The following PRTFDC1 variants were observed in gnomAD, a reference collection of about 807,000 sequenced individuals.
The protein encoded by PRTFDC1 is phosphoribosyl transferase domain containing 1.
PRTFDC1 carries 38 observed loss-of-function variants against 34.6 expected under a neutral mutation model. That is an observed-to-expected ratio of 1.10 (90% CI 0.85 to 1.44). The LOEUF (loss-of-function observed/expected upper bound fraction) is 1.44, where lower values mean the gene tolerates loss of function less well. Ranked by LOEUF, PRTFDC1 falls within the 40% of genes most tolerant of loss-of-function variation. PRTFDC1 has a pLI of 0.00. For synonymous variants in PRTFDC1, 93 were observed against 98.1 expected (o/e 0.95, Z 0.31); for missense variants, 270 against 283.0 (o/e 0.95, Z 0.33).
chr10:24,921,926 C>T (rs185563346), intron 3 of PRTFDC1, among the ~76,000 whole-genome samples: 4 of 152,152 alleles, frequency 2.6e-5, no homozygotes, highest in East Asian at 1.9e-4. Flanking sequence ...TGGGTTAAAA[C>T]GACAATAAAA....
chr10:24,927,082 A>T (rs928733050), intron 3 of PRTFDC1, among the ~76,000 whole-genome samples: 2 of 151,866 alleles, frequency 1.3e-5, no homozygotes, highest in Non-Finnish European at 2.9e-5. Context: ...GTTTCACTTT[A>T]AAAAAAAATT....
At chr10:24,903,136 T>C (rs1425292750) in intron 3 of PRTFDC1, among the ~76,000 whole-genome samples, 2 of 152,182 alleles carry the variant, frequency 1.3e-5, no homozygotes, top group Admixed American at 6.5e-5. Flanking sequence ...AGGCAGAGGT[T>C]GCAGTGAGCT....
intron 4 of PRTFDC1, among the ~76,000 whole-genome samples, chr10:24,859,114 CG>C (rs542439293): frequency 9.9e-4 from 151 of 152,218 alleles, no homozygotes; most frequent in African/African-American, 3.4e-3. Flanking sequence ...GACTGGATCA[CG>C]GGGGTGGGTC....
chr10:24,882,666 T>C (rs1408177083), intron 3 of PRTFDC1, among the ~76,000 whole-genome samples: 1 of 152,066 alleles, frequency 6.6e-6, no homozygotes, highest in Non-Finnish European at 1.5e-5. Flanking sequence ...TAATATATAC[T>C]TTTTATTTTT....
At chr10:24,865,786 C>T (rs191083423) in intron 4 of PRTFDC1, among the ~76,000 whole-genome samples, 1 of 152,106 alleles carries the variant, frequency 6.6e-6, no homozygotes, top group Admixed American at 6.5e-5. Flanking sequence ...GTTTGGTGGC[C>T]GTGATCACAC....
chr10:24,906,930 TTA>T (rs1848545956), intron 3 of PRTFDC1, among the ~76,000 whole-genome samples: 1 of 152,234 alleles, frequency 6.6e-6, no homozygotes, highest in African/African-American at 2.4e-5. Flanking sequence ...TCGTCTTTCT[TTA>T]TATGTTTGGA....
intron 3 of PRTFDC1, among the ~76,000 whole-genome samples, 153 bp downstream of exon 3, chr10:24,937,026 CTTATG>C (rs1849061990): frequency 6.6e-6 from 1 of 152,152 alleles, no homozygotes; most frequent in Non-Finnish European, 1.5e-5. Flanking sequence ...CATTTGAATT[CTTATG>C]TTAGGTTGCC....
At chr10:24,948,442 CAAAATTTCTGACCTTA>C (rs1849287051) in intron 1 of PRTFDC1, among the ~76,000 whole-genome samples, 2 of 152,166 alleles carry the variant, frequency 1.3e-5, no homozygotes, top group South Asian at 4.1e-4. Flanking sequence ...CAACTCTGAG[CAAAATTTCTGACCTTA>C]GGATCTACCT....
Position 24,904,671 on chromosome 10 carries a change from G to A in PRTFDC1, c.339+32513C>T, listed in dbSNP as rs112694607. 5.1e-3 allele frequency among the ~76,000 whole-genome samples: 781 copies of A among 152,212 alleles called. 9 individuals carry two copies. The highest frequency in any genetic ancestry group is 0.018 in the African/African-American group (750 of 41,546). The stretch of plus-strand genomic sequence containing the variant: ...CCTTAAGAATACATCTGAACTTCTA[G>A]GGATCTCTAAGAATCCTGGAAAAGA... On this transcript the variant is annotated intron_variant, in intron 3 of 8. Transcript: ENST00000320152.
chr10:24,906,783 G>C (rs887973937), intron 3 of PRTFDC1, among the ~76,000 whole-genome samples: 3 of 152,192 alleles, frequency 2.0e-5, no homozygotes, highest in Admixed American at 1.3e-4. Context: ...GCTCTCGAGA[G>C]CTGGCTTGAG....
intron 1 of PRTFDC1, chr10:24,951,588 T>C (rs1449324624): frequency 7.1e-6 from 7 of 985,302 alleles, no homozygotes; most frequent in Non-Finnish European, 8.4e-6. Flanking sequence ...ACAGATTATC[T>C]GTGAATGACA....
At chr10:24,895,253 C>CCTTTTT (rs1848332390) in intron 3 of PRTFDC1, among the ~76,000 whole-genome samples, 1 of 105,190 alleles carries the variant, frequency 9.5e-6, no homozygotes, top group Non-Finnish European at 1.8e-5. Flanking sequence ...TCTCCACTTT[C>CCTTTTT]TTTTTTTTTT....
chr10:24,889,784 A>C (rs576795915), intron 3 of PRTFDC1, among the ~76,000 whole-genome samples: 4 of 152,318 alleles, frequency 2.6e-5, no homozygotes, highest in Admixed American at 2.6e-4. Context: ...AGGCATGTTG[A>C]TTGGCAGTGC....
chr10:24,860,532 T>C (rs907579937), intron 4 of PRTFDC1, among the ~76,000 whole-genome samples: 12 of 152,214 alleles, frequency 7.9e-5, no homozygotes, highest in African/African-American at 2.7e-4. Context: ...ATCAAACACA[T>C]TCTTATGTTA....
At chr10:24,904,332 T>C (rs1364238927) in intron 3 of PRTFDC1, among the ~76,000 whole-genome samples, 1 of 151,908 alleles carries the variant, frequency 6.6e-6, no homozygotes, top group Non-Finnish European at 1.5e-5. Context: ...ATTATGAAGC[T>C]GACAAAAGCT....
rs78799134 is a variant in PRTFDC1 at position 24,852,489 on chromosome 10, G to A, written c.554-1025C>T. Among the ~76,000 whole-genome samples, 323 of 152,054 alleles carry A rather than the reference G, an allele frequency of 2.1e-3. 1 individual carries two copies. Among genetic ancestry groups the A allele is most frequent in the East Asian group, 0.019 (96 of 5,166 alleles). Reference sequence around the variant, plus strand: ...AAGGATCTCACTCTGTTGTCCAGGCGTGTGATCATGGCTCACGGCAGCCTC... The same window carrying A: ...AAGGATCTCACTCTGTTGTCCAGGCATGTGATCATGGCTCACGGCAGCCTC... On this transcript the variant is annotated intron_variant, in intron 7 of 8. Transcript: ENST00000320152.
At chr10:24,946,887 A>G (rs1388539851) in intron 1 of PRTFDC1, among the ~76,000 whole-genome samples, 1 of 152,204 alleles carries the variant, frequency 6.6e-6, no homozygotes, top group Non-Finnish European at 1.5e-5. Flanking sequence ...TGTAATCCCA[A>G]CACTTTGGGA....
At chr10:24,876,586 C>A (rs1042247599) in intron 3 of PRTFDC1, among the ~76,000 whole-genome samples, 1 of 151,076 alleles carries the variant, frequency 6.6e-6, no homozygotes, top group African/African-American at 2.4e-5. Context: ...CCCAGCTACT[C>A]GGGAGGCTGA....
intron 4 of PRTFDC1, among the ~76,000 whole-genome samples, chr10:24,861,466 C>T (rs913787763): frequency 6.6e-6 from 1 of 152,088 alleles, no homozygotes; most frequent in Non-Finnish European, 1.5e-5. Flanking sequence ...TGCCACTGCA[C>T]TCCAGCCTGG....
Sources: gnomAD v4.1 joint callset for allele counts (sites outside exome capture counted in the v4.1 genomes callset) on GRCh38, gnomAD v4.1.1 for gene constraint, MANE v1.5 for transcripts, NCBI Gene and HGNC (gene_info 2026-07-23, HGNC 2026-07-21) for gene names.